Variants in RASGRF1 observed in about 807,000 individuals in gnomAD.
RASGRF1 encodes ras-specific guanine nucleotide-releasing factor 1.
RASGRF1 carries 40 observed loss-of-function variants against 138.7 expected under a neutral mutation model. That is an observed-to-expected ratio of 0.29 (90% CI 0.22 to 0.38). The LOEUF is 0.38. Ranked by LOEUF, RASGRF1 falls within the 10% of genes least tolerant of loss-of-function variation. RASGRF1 has a pLI of 1.00. For synonymous variants in RASGRF1, 614 were observed against 663.2 expected, an observed-to-expected ratio of 0.93 and a Z score of 1.14; for missense variants, 1,108 against 1,650.4, an observed-to-expected ratio of 0.67 and a Z score of 5.69.
chr15:79,058,276 G>A, intron 3 of RASGRF1, 58 bp downstream of exon 3: 1 of 1,573,940 alleles, frequency 6.4e-7, no homozygotes, highest in Non-Finnish European at 8.6e-7. Flanking sequence ...TCCTGCAGGA[G>A]CCCAGGGTTT....
intron 1 of RASGRF1, among the ~76,000 whole-genome samples, chr15:79,081,567 C>A (rs1039154053): frequency 6.6e-6 from 1 of 152,184 alleles, no homozygotes; most frequent in Non-Finnish European, 1.5e-5. Context: ...GTGTCCCCTG[C>A]AACCTATATG....
chr15:79,090,547 A>C lies in RASGRF1; in HGVS notation c.-49T>G. 5 of 1,588,142 alleles carry C rather than the reference A, an allele frequency of 3.1e-6. No individual in the cohort carries two copies. The highest frequency in any genetic ancestry group is 4.3e-6 in the Non-Finnish European group (5 of 1,168,712). ...CCACGCGCTTACATCTTCTCCGCGC[A>C]GCAGCCCCCCGTCCGTGCGCGCTGC... is the stretch of plus-strand genomic sequence containing the variant. On this transcript the variant is annotated 5_prime_UTR_variant, in exon 1 of 27. Coordinates refer to ENST00000558480, the MANE Select transcript of RASGRF1 (RefSeq NM_001145648.3).
At chr15:78,968,250 A>ATTGTGTGTGTGTG (rs140770821) in intron 26 of RASGRF1, among the ~76,000 whole-genome samples, 11 of 134,226 alleles carry the variant, frequency 8.2e-5, no homozygotes, top group Non-Finnish European at 3.3e-5. Context: ...CATGACACTG[A>ATTGTGTGTGTGTG]TGTGTGTGTG....
intron 1 of RASGRF1, among the ~76,000 whole-genome samples, chr15:79,087,993 C>A (rs1293293368): frequency 6.6e-6 from 1 of 152,224 alleles, no homozygotes; most frequent in East Asian, 1.9e-4. Context: ...GGAAACAGCT[C>A]TGAACATGAG....
chr15:79,012,986 C>T (rs2056823874), intron 13 of RASGRF1, among the ~76,000 whole-genome samples: 1 of 152,212 alleles, frequency 6.6e-6, no homozygotes, highest in African/African-American at 2.4e-5. Context: ...GCACCCTTTC[C>T]AGAGCATGAG....
At chr15:79,011,770 G>A (rs947269232) in intron 13 of RASGRF1, among the ~76,000 whole-genome samples, 2 of 152,218 alleles carry the variant, frequency 1.3e-5, no homozygotes, top group African/African-American at 4.8e-5. Context: ...GCAGGATGCA[G>A]GCAGTGTGGT....
intron 3 of RASGRF1, among the ~76,000 whole-genome samples, chr15:79,053,749 A>G (rs140462624): frequency 0.012 from 1,795 of 152,286 alleles, 41 homozygotes; most frequent in African/African-American, 0.041. Flanking sequence ...ACAGAGGGAG[A>G]AGAGACGGGC....
At chr15:78,990,085 G>C (rs757268308) in intron 22 of RASGRF1, 104 bp downstream of exon 22, 5 of 959,968 alleles carry the variant, frequency 5.2e-6, no homozygotes, top group Non-Finnish European at 6.8e-6. Flanking sequence ...AGAGGACCCA[G>C]GAGTCTGGTT....
intron 1 of RASGRF1, among the ~76,000 whole-genome samples, chr15:79,080,038 A>T (rs1263169384): frequency 6.6e-6 from 1 of 152,206 alleles, no homozygotes; most frequent in Admixed American, 6.5e-5. Flanking sequence ...CGAGGTCATC[A>T]TCATTTCCCT....
At chr15:79,035,330 A>G in intron 5 of RASGRF1, 120 bp from the exon 6 acceptor site, 1 of 740,510 alleles carries the variant, frequency 1.4e-6, no homozygotes, top group Non-Finnish European at 2.2e-6. Flanking sequence ...TGAGACCTTA[A>G]CGTGAAAACT....
At chr15:78,971,027 G>A (rs2141596423) in intron 26 of RASGRF1, among the ~76,000 whole-genome samples, 1 of 152,224 alleles carries the variant, frequency 6.6e-6, no homozygotes, top group Non-Finnish European at 1.5e-5. Flanking sequence ...CCATTTGGTG[G>A]TGGTGGTGGA....
Position 79,030,831 on chromosome 15 carries a change from G to C in RASGRF1, c.1262+569C>G, listed in dbSNP as rs527762625. 1.4e-4 allele frequency among the ~76,000 whole-genome samples: 22 copies of C among 152,340 alleles called. No individual in the cohort carries two copies. In the East Asian group the frequency reaches 4.1e-3, roughly 28 times the overall value. On this transcript the variant is annotated intron_variant, in intron 8 of 26. Transcript: ENST00000558480. ...ACCACAGTCATCTGCTGCCTGGGGTGCTGCAAGAGCCCCCTCCGTGCTCCC... is the reference window on the plus strand; with the variant it reads ...ACCACAGTCATCTGCTGCCTGGGGTCCTGCAAGAGCCCCCTCCGTGCTCCC...
chr15:78,998,202 C>G lies in RASGRF1; in HGVS notation c.2860G>C (p.Glu954Gln). The G allele has an allele frequency of 6.2e-7, 1 of 1,614,066 alleles. No homozygotes were observed. Among genetic ancestry groups the G allele is most frequent in the Non-Finnish European group, 8.5e-7 (1 of 1,179,894 alleles). The change falls in exon 19 of 27, where the codon GAG becomes CAG. Residue 954 changes from glutamate to glutamine, a missense_variant. Physicochemically the swap from Glu to Gln is conservative, Grantham distance 29 (BLOSUM62 2). Transcript: ENST00000558480. Reference sequence around the variant, plus strand: ...TTGCATTTGAGCTCATCGTTGGTCTCAAAGTCCTGCCGGGAAGGTGTGATG... The same window carrying G: ...TTGCATTTGAGCTCATCGTTGGTCTGAAAGTCCTGCCGGGAAGGTGTGATG... ...HWVSKHSQDF[E>Q]TNDELKCKVI...
intron 13 of RASGRF1, among the ~76,000 whole-genome samples, chr15:79,008,492 G>A (rs2056730301): frequency 1.3e-5 from 2 of 152,208 alleles, no homozygotes; most frequent in Non-Finnish European, 2.9e-5. Flanking sequence ...CAAGATTCAG[G>A]AAAGTATACA....
chr15:79,078,164 C>G (rs111537632), intron 1 of RASGRF1, among the ~76,000 whole-genome samples: 768 of 63,790 alleles, frequency 0.012, 6 homozygotes, highest in African/African-American at 0.022. Context: ...CATGCATGTG[C>G]GTATGTGTGC....
chr15:79,000,047 G>T, intron 16 of RASGRF1, 134 bp from the exon 17 acceptor site: 2 of 901,612 alleles, frequency 2.2e-6, no homozygotes, highest in East Asian at 2.6e-5. Flanking sequence ...AGGGCATGTC[G>T]GGTGGTGCTG....
At chr15:79,030,274 G>A (rs2057118261) in intron 8 of RASGRF1, among the ~76,000 whole-genome samples, 1 of 152,140 alleles carries the variant, frequency 6.6e-6, no homozygotes, top group Non-Finnish European at 1.5e-5. Context: ...GGGTAGGGCC[G>A]GGGCTGGATC....
chr15:78,978,204 CT>C (rs1278316702), intron 24 of RASGRF1, among the ~76,000 whole-genome samples: 2 of 134,372 alleles, frequency 1.5e-5, no homozygotes, highest in African/African-American at 6.3e-5. Context: ...TCTTCTTTTT[CT>C]TTTTCTTTTC....
At chr15:79,028,071 T>C (rs1389930227) in intron 8 of RASGRF1, among the ~76,000 whole-genome samples, 1 of 152,216 alleles carries the variant, frequency 6.6e-6, no homozygotes, top group Non-Finnish European at 1.5e-5. Flanking sequence ...TTTATCCTTC[T>C]GACAGCTCAA....
Sources: allele counts gnomAD v4.1 joint callset (sites outside exome capture counted in the v4.1 genomes callset), GRCh38; gene constraint gnomAD v4.1.1; transcripts MANE v1.5; gene names NCBI Gene and HGNC (gene_info 2026-07-23, HGNC 2026-07-21).